AFF2: variants seen among roughly 807,000 people sequenced by gnomAD.
AFF2 encodes ALF transcription elongation factor 2, also known as AF4/FMR2 family member 2.
Under a neutral mutation model 76.9 loss-of-function variants are expected in AFF2, and 14 were observed. The observed-to-expected ratio is 0.18, with a 90% confidence interval of 0.12 to 0.28. The LOEUF is 0.28. Ranked by LOEUF, AFF2 falls within the 10% of genes least tolerant of loss-of-function variation. AFF2 has a pLI of 1.00. For missense variants in AFF2, 868 were observed against 1,001.1 expected (o/e 0.87, Z 1.79); for synonymous variants, 398 against 366.7 (o/e 1.09, Z -0.98).
chrX:148,822,847 A>G, intron 4 of AFF2, among the ~76,000 whole-genome samples: 1 of 110,842 alleles, frequency 9.0e-6, no homozygotes, highest in Non-Finnish European at 1.9e-5. Flanking sequence ...TTTTCCTGGC[A>G]ACATGTTAAC....
rs146834756 is a variant in AFF2 at position 148,936,137 on chromosome X, A to G, written c.1398-17443A>G. Among the ~76,000 whole-genome samples the G allele has an allele frequency of 7.2e-3, 800 of 111,104 alleles. 6 individuals carry two copies. The highest frequency in any genetic ancestry group is 0.025 in the African/African-American group (775 of 30,537). ...TTTTTTAAGTGCAAATGAGACACAC[A>G]ATAGAATATTGTCTATGAGGGTTTC... On this transcript the variant is annotated intron_variant, in intron 9 of 20. Transcript: ENST00000370460.
At chrX:148,916,196 C>CTTTTTTTTTTTTTTTTTTT (rs782508166) in intron 9 of AFF2, among the ~76,000 whole-genome samples, 1 of 34,038 alleles carries the variant, frequency 2.9e-5, no homozygotes, top group African/African-American at 1.2e-4. Flanking sequence ...GTGGTTTTAA[C>CTTTTTTTTTTTTTTTTTTT]TTTTTTTTTT....
rs1228205299 is a variant in AFF2 at position 148,995,062 on chromosome X, T to G, written c.*3730T>G. The G allele has an allele frequency of 8.9e-6, 1 of 112,063 alleles. No homozygotes were observed. Among genetic ancestry groups the G allele is most frequent in the Non-Finnish European group, 1.9e-5 (1 of 53,167 alleles). 9.2% of individuals were successfully genotyped at this position (112,063 alleles called of 1,213,427 possible). A position where few individuals can be genotyped will look rare whatever the true frequency, so the allele number is the denominator to read the frequency against. On this transcript the variant is annotated 3_prime_UTR_variant, in exon 21 of 21. Coordinates refer to ENST00000370460, the MANE Select transcript of AFF2 (RefSeq NM_002025.4). ...ATGGGTCAATTCAGCACCCCCAAAT[T>G]TAATTCTGTGGGGAAAAATTATTGA...
chrX:148,923,305 T>C (rs1171678793), intron 9 of AFF2, among the ~76,000 whole-genome samples: 1 of 112,107 alleles, frequency 8.9e-6, no homozygotes, highest in Non-Finnish European at 1.9e-5. Flanking sequence ...CTGACTAGAT[T>C]ATACTTTGAT....
intron 1 of AFF2, among the ~76,000 whole-genome samples, chrX:148,573,643 C>T (rs1374487509): frequency 1.9e-5 from 2 of 106,468 alleles, no homozygotes; most frequent in Non-Finnish European, 3.9e-5. Context: ...TGTGAACAAT[C>T]CTTGAAAACC....
chrX:148,761,126 C>G (rs954815074), intron 3 of AFF2, among the ~76,000 whole-genome samples: 7 of 111,514 alleles, frequency 6.3e-5, no homozygotes, highest in Non-Finnish European at 1.3e-4. Context: ...TTGTGACAAT[C>G]AAGGGTTATG....
intron 7 of AFF2, among the ~76,000 whole-genome samples, chrX:148,853,398 T>C (rs1557275606): frequency 9.0e-6 from 1 of 111,578 alleles, no homozygotes; most frequent in East Asian, 2.9e-4. Flanking sequence ...TCCCCTGTCA[T>C]GTGACTTGAT....
intron 1 of AFF2, among the ~76,000 whole-genome samples, chrX:148,597,822 G>A (rs1339385014): frequency 1.8e-5 from 2 of 112,165 alleles, no homozygotes; most frequent in Non-Finnish European, 1.9e-5. Flanking sequence ...ATATCCCGCC[G>A]GCGCCTTATT....
chrX:148,962,800 C>A lies in AFF2; in HGVS notation c.2776C>A (p.Arg926Ser), dbSNP rs1312069228. 1.7e-6 allele frequency: 2 copies of A among 1,210,458 alleles called. No homozygotes were observed. The highest frequency in any genetic ancestry group is 2.2e-6 in the Non-Finnish European group (2 of 894,292). ...PLSPLPEDPP[R>S]RRNVSGNNGP... ...TTCCCCACTGCCAGAGGACCCTCCA[C>A]GCCGCAGAAATGTCAGTGGCAATAA... The change falls in exon 13 of 21, where the codon CGC becomes AGC. Residue 926 changes from arginine to serine, a missense_variant. Physicochemically the swap from Arg to Ser is moderately radical, Grantham distance 110. Transcript: ENST00000370460.
chrX:148,931,359 T>C (rs1273405360), intron 9 of AFF2, among the ~76,000 whole-genome samples: 1 of 111,000 alleles, frequency 9.0e-6, no homozygotes, highest in Non-Finnish European at 1.9e-5. Flanking sequence ...AGTGCACTGA[T>C]ATTTTAAGTA....
chrX:148,867,608 C>A (rs1418495874), intron 7 of AFF2, among the ~76,000 whole-genome samples: 2 of 112,307 alleles, frequency 1.8e-5, no homozygotes, highest in Non-Finnish European at 3.8e-5. Flanking sequence ...GCAATATTTT[C>A]TTTGATGCGA....
chrX:148,674,674 T>C (rs1046577119), intron 3 of AFF2, among the ~76,000 whole-genome samples: 1 of 111,979 alleles, frequency 8.9e-6, no homozygotes, highest in Non-Finnish European at 1.9e-5. Context: ...GTGTCTGGAC[T>C]CCCAGCGCAG....
intron 1 of AFF2, among the ~76,000 whole-genome samples, chrX:148,589,924 A>G (rs2053506462): frequency 9.4e-6 from 1 of 106,563 alleles, no homozygotes; most frequent in Admixed American, 1.1e-4. Flanking sequence ...AAACTCACCT[A>G]GAAATGGAAG....
At chrX:148,925,973 G>C (rs781958237) in intron 9 of AFF2, among the ~76,000 whole-genome samples, 2 of 111,869 alleles carry the variant, frequency 1.8e-5, no homozygotes, top group East Asian at 5.6e-4. Flanking sequence ...TTTCTAAAAT[G>C]AAATAATGCT....
chrX:148,912,950 A>G (rs1447979974), intron 9 of AFF2, among the ~76,000 whole-genome samples: 1 of 112,997 alleles, frequency 8.8e-6, no homozygotes, highest in Admixed American at 9.3e-5. Context: ...CCTCTAGTCA[A>G]TCTCTAACTG....
intron 15 of AFF2, among the ~76,000 whole-genome samples, chrX:148,968,515 C>T (rs1309454298): frequency 8.9e-6 from 1 of 112,009 alleles, no homozygotes; most frequent in African/African-American, 3.2e-5. Context: ...AGGCTTCTCA[C>T]TTTGACTAAA....
chrX:148,631,442 G>T (rs1244756353), intron 1 of AFF2, among the ~76,000 whole-genome samples: 1 of 111,312 alleles, frequency 9.0e-6, no homozygotes, highest in African/African-American at 3.3e-5. Context: ...CTGACTGATT[G>T]AACTGGGAAA....
chrX:148,656,808 T>A (rs2054258738), intron 2 of AFF2, among the ~76,000 whole-genome samples: 1 of 111,690 alleles, frequency 9.0e-6, no homozygotes, highest in African/African-American at 3.3e-5. Context: ...CCGAGGAATT[T>A]TAACTCAGAG....
intron 1 of AFF2, among the ~76,000 whole-genome samples, chrX:148,573,117 A>G (rs782014099): frequency 8.9e-6 from 1 of 112,004 alleles, no homozygotes; most frequent in Non-Finnish European, 1.9e-5. Context: ...TGTTAGGGAA[A>G]TTATGTTAGA....
Sources: gnomAD v4.1 joint callset for allele counts (sites outside exome capture counted in the v4.1 genomes callset) on GRCh38, gnomAD v4.1.1 for gene constraint, MANE v1.5 for transcripts, NCBI Gene and HGNC (gene_info 2026-07-23, HGNC 2026-07-21) for gene names.